The following ADK variants were observed in gnomAD, a reference collection of about 807,000 sequenced individuals.
The protein encoded by ADK is N6,N6-dimethyladenosine kinase.
Under a neutral mutation model 44.7 loss-of-function variants are expected in ADK, and 24 were observed. That is an observed-to-expected ratio of 0.54 (90% CI 0.39 to 0.76). ADK has a LOEUF of 0.76. Ranked by LOEUF, ADK falls within the 30% of genes least tolerant of loss-of-function variation. The pLI is 0.00. For synonymous variants in ADK, 128 were observed against 142.6 expected (o/e 0.90, Z 0.73); for missense variants, 321 against 425.1 (o/e 0.76, Z 2.15).
intron 9 of ADK, among the ~76,000 whole-genome samples, chr10:74,638,580 G>A (rs921135971): frequency 2.0e-5 from 3 of 152,196 alleles, no homozygotes; most frequent in African/African-American, 7.2e-5. Flanking sequence ...CACATGAGCT[G>A]AGGAGCTCGA....
intron 7 of ADK, among the ~76,000 whole-genome samples, chr10:74,577,641 A>C (rs376981635): frequency 1.4e-4 from 21 of 152,182 alleles, no homozygotes; most frequent in South Asian, 1.2e-3. Flanking sequence ...TTACATTAAA[A>C]AAAAATTACA....
chr10:74,346,129 T>A (rs988746059), intron 4 of ADK, among the ~76,000 whole-genome samples: 1 of 152,210 alleles, frequency 6.6e-6, no homozygotes, highest in Non-Finnish European at 1.5e-5. Context: ...TGACCTCAGG[T>A]GATCTACCTG....
chr10:74,222,681 A>G (rs1230909779), intron 2 of ADK, among the ~76,000 whole-genome samples: 2 of 152,198 alleles, frequency 1.3e-5, no homozygotes. Context: ...CTATGCAGCC[A>G]TAAAAAATGA....
intron 2 of ADK, among the ~76,000 whole-genome samples, chr10:74,213,727 G>T (rs563026388): frequency 6.6e-6 from 1 of 152,174 alleles, no homozygotes; most frequent in South Asian, 2.1e-4. Flanking sequence ...TGCCTAAAAG[G>T]GTCCCCTGTA....
intron 2 of ADK, among the ~76,000 whole-genome samples, chr10:74,221,866 C>T (rs557809247): frequency 7.3e-5 from 11 of 151,186 alleles, no homozygotes; most frequent in African/African-American, 2.4e-4. Flanking sequence ...ATACAAAAAT[C>T]AATTCAAGAT....
At chr10:74,446,685 A>G (rs1845599539) in intron 6 of ADK, among the ~76,000 whole-genome samples, 1 of 152,162 alleles carries the variant, frequency 6.6e-6, no homozygotes. Flanking sequence ...AATATAGGAG[A>G]CAAACATCTT....
At chr10:74,152,850 T>C (rs1175337571) in intron 1 of ADK, among the ~76,000 whole-genome samples, 1 of 152,218 alleles carries the variant, frequency 6.6e-6, no homozygotes, top group Non-Finnish European at 1.5e-5. Context: ...AGAGCATTCC[T>C]TAGGCAACTA....
At chr10:74,655,832 G>A (rs1179981298) in intron 9 of ADK, 2 of 525,670 alleles carry the variant, frequency 3.8e-6, no homozygotes, top group Non-Finnish European at 7.4e-6. Flanking sequence ...ACAGAGAGGT[G>A]GTACTCATCA....
chr10:74,658,256 A>G (rs1854565786), intron 9 of ADK, among the ~76,000 whole-genome samples: 2 of 152,156 alleles, frequency 1.3e-5, no homozygotes, highest in African/African-American at 2.4e-5. Context: ...CAATCATCAG[A>G]AAAAAATATT....
chr10:74,594,435 C>A (rs1182494348), intron 8 of ADK, among the ~76,000 whole-genome samples: 1 of 149,044 alleles, frequency 6.7e-6, no homozygotes, highest in Non-Finnish European at 1.5e-5. Flanking sequence ...TCTGAAAATA[C>A]CTATTTCATA....
intron 10 of ADK, among the ~76,000 whole-genome samples, 174 bp from the exon 11 acceptor site, chr10:74,708,147 C>T (rs1856671310): frequency 1.3e-5 from 1 of 78,232 alleles, no homozygotes; most frequent in Non-Finnish European, 2.5e-5. Flanking sequence ...AAGACTCCAT[C>T]TCGGGGAAAA....
intron 1 of ADK, among the ~76,000 whole-genome samples, chr10:74,172,381 G>A (rs1842187342): frequency 1.3e-5 from 2 of 152,052 alleles, no homozygotes; most frequent in Admixed American, 1.3e-4. Flanking sequence ...ACAGGTGTGA[G>A]CCATTGCACC....
At chr10:74,459,067 T>G (rs1222070629) in intron 6 of ADK, among the ~76,000 whole-genome samples, 2 of 151,834 alleles carry the variant, frequency 1.3e-5, no homozygotes, top group African/African-American at 4.8e-5. Flanking sequence ...TCACCTGATG[T>G]CAGGAGCTTG....
chr10:74,445,212 C>A (rs1685044162), intron 6 of ADK, among the ~76,000 whole-genome samples: 1 of 151,860 alleles, frequency 6.6e-6, no homozygotes, highest in South Asian at 2.1e-4. Flanking sequence ...TTGAAAAGAC[C>A]TTCTGTTAAA....
In ADK at chr10:74,349,085, G is replaced by C. The variant is rs150438114; in HGVS notation, c.273+34340G>C. Among the ~76,000 whole-genome samples, 529 of 151,602 alleles carry C rather than the reference G, an allele frequency of 3.5e-3. 3 individuals carry two copies. The highest frequency in any genetic ancestry group is 0.011 in the African/African-American group (473 of 41,348). On this transcript the variant is annotated intron_variant, in intron 4 of 10. Transcript: ENST00000539909. Reference sequence around the variant, plus strand: ...AGAACACTGCAAAGATACTCCTTGAGAAGAGCAACCCCAAGACACCTAATC... The same window carrying C: ...AGAACACTGCAAAGATACTCCTTGACAAGAGCAACCCCAAGACACCTAATC...
chr10:74,327,445 A>T (rs993787002), intron 4 of ADK, among the ~76,000 whole-genome samples: 1 of 152,224 alleles, frequency 6.6e-6, no homozygotes, highest in South Asian at 2.1e-4. Context: ...TTCATGTTCA[A>T]TTGAGAAGAA....
At chr10:74,366,756 C>T (rs916646467) in intron 4 of ADK, among the ~76,000 whole-genome samples, 9 of 152,040 alleles carry the variant, frequency 5.9e-5, no homozygotes, top group Non-Finnish European at 1.3e-4. Context: ...ATGGTGAAAC[C>T]CCATCTCTAT....
intron 7 of ADK, among the ~76,000 whole-genome samples, chr10:74,541,793 C>CT (rs1838149034): frequency 5.4e-5 from 2 of 37,204 alleles, no homozygotes; most frequent in Admixed American, 2.6e-4. Flanking sequence ...AACCCCCACA[C>CT]ACCCCCCCCC....
chr10:74,623,819 T>C (rs1196679253), intron 9 of ADK, among the ~76,000 whole-genome samples: 2 of 152,036 alleles, frequency 1.3e-5, no homozygotes, highest in East Asian at 3.8e-4. Flanking sequence ...CAAAAGCTCT[T>C]GAAAATGTAA....
Sources: gnomAD v4.1 joint callset for allele counts (sites outside exome capture counted in the v4.1 genomes callset) on GRCh38, gnomAD v4.1.1 for gene constraint, MANE v1.5 for transcripts, NCBI Gene and HGNC (gene_info 2026-07-23, HGNC 2026-07-21) for gene names.